Variants in IGF2R observed in about 807,000 individuals in gnomAD.
IGF2R encodes the protein cation-independent mannose-6-phosphate receptor.
In IGF2R, 91 loss-of-function variants were observed where a neutral mutation model predicts 270.6. The ratio of observed to expected loss-of-function variants is 0.34; its 90% CI spans 0.28 to 0.40. The LOEUF (loss-of-function observed/expected upper bound fraction) is 0.40, where lower values mean the gene tolerates loss of function less well. Ranked by LOEUF, IGF2R falls within the 10% of genes least tolerant of loss-of-function variation. The probability of loss-of-function intolerance (pLI) is 1.00; values close to 1 mark genes in which losing one functional copy is unlikely to be tolerated. For synonymous variants in IGF2R, 1,316 were observed against 1,258.9 expected, an observed-to-expected ratio of 1.05 and a Z score of -0.96; for missense variants, 2,805 against 3,188.3, an observed-to-expected ratio of 0.88 and a Z score of 2.90.
chr6:160,099,441 A>T (rs183255016), intron 45 of IGF2R, among the ~76,000 whole-genome samples: 1 of 152,242 alleles, frequency 6.6e-6, no homozygotes, highest in African/African-American at 2.4e-5. Context: ...ATCTCGGCTC[A>T]CTGCAAGCTC....
chr6:159,995,892 G>A (rs1056750666), intron 2 of IGF2R, among the ~76,000 whole-genome samples: 41 of 133,064 alleles, frequency 3.1e-4, no homozygotes, highest in Non-Finnish European at 3.3e-4. Context: ...ATGTTGCAGC[G>A]CTCTTTTTTT....
chr6:159,984,220 A>G (rs1783846627), intron 1 of IGF2R, among the ~76,000 whole-genome samples: 1 of 152,228 alleles, frequency 6.6e-6, no homozygotes, highest in East Asian at 1.9e-4. Context: ...GGACTGCATA[A>G]ACTACAGTCT....
Position 160,050,476 on chromosome 6 carries a change from T to C in IGF2R, c.2518T>C (p.Ser840Pro). ...AACAAGACTGGTTTTCTTGCAGGGC[T>C]CCTTCACTGAAGTGGTTTCCATCAG... Reference protein sequence around the residue: ...CQMKYEKDQGSFTEVVSISNL... With the variant: ...CQMKYEKDQGPFTEVVSISNL... Residue 840 changes from serine (S) to proline (P), a missense_variant, in exon 19 of 48, where the codon TCC becomes CCC. Physicochemically the swap from Ser to Pro is moderately conservative, Grantham distance 74 (BLOSUM62 -1). Around this residue, in one of 2 missense-constraint regions of IGF2R, gnomAD observed 1,851 missense variants for 2,207.2 expected, o/e 0.84. Coordinates refer to ENST00000356956, the MANE Select transcript of IGF2R (RefSeq NM_000876.4). This position sits in a 1 kb window ranked among gnomAD's most constrained non-coding sequence, Gnocchi z 4.0. 1.2e-6 allele frequency: 2 copies of C among 1,607,464 alleles called. No homozygotes were observed. Among genetic ancestry groups the C allele is most frequent in the Non-Finnish European group, 1.7e-6 (2 of 1,174,544 alleles).
Position 160,102,180 on chromosome 6 carries a change from C to T in IGF2R, c.6843-339C>T, listed in dbSNP as rs1779501686. On this transcript the variant is annotated intron_variant, in intron 45 of 47. Coordinates refer to ENST00000356956, the MANE Select transcript of IGF2R (RefSeq NM_000876.4). The surrounding 1 kb of genome is among the most constrained non-coding windows in gnomAD (Gnocchi z 4.5). ...GTGTGGTGCTTCGGGACAGCCTCTGCCCCAGCCTAGTCCTGCCGTGGATTG... is the reference window on the plus strand; with the variant it reads ...GTGTGGTGCTTCGGGACAGCCTCTGTCCCAGCCTAGTCCTGCCGTGGATTG... Among the ~76,000 whole-genome samples, 1 of 152,228 alleles carries T rather than the reference C, an allele frequency of 6.6e-6. No individual in the cohort carries two copies. Among genetic ancestry groups the T allele is most frequent in the Admixed American group, 6.5e-5 (1 of 15,290 alleles).
At chr6:160,034,304 A>G in intron 9 of IGF2R, 115 bp from the exon 10 acceptor site, 1 of 625,124 alleles carries the variant, frequency 1.6e-6, no homozygotes, top group African/African-American at 1.8e-5. Context: ...GCTGTTTTAG[A>G]TCCGTAGTGA....
intron 21 of IGF2R, among the ~76,000 whole-genome samples, 163 bp downstream of exon 21, chr6:160,058,287 G>T (rs1173590426): frequency 6.6e-6 from 1 of 152,198 alleles, no homozygotes; most frequent in Non-Finnish European, 1.5e-5. Flanking sequence ...GAAAGATGAA[G>T]TAAAACCATT....
intron 4 of IGF2R, among the ~76,000 whole-genome samples, chr6:160,020,037 T>C (rs1222481970): frequency 1.3e-5 from 2 of 152,306 alleles, no homozygotes; most frequent in East Asian, 1.9e-4. Context: ...GCTGATGATA[T>C]GATCTTATAC....
rs762915535 is a variant in IGF2R, at chr6:160,089,265, G to A, written c.6467+12G>A. 5.6e-6 allele frequency: 9 copies of A among 1,600,474 alleles called. No individual in the cohort carries two copies. In the East Asian group the frequency reaches 6.7e-5, roughly 12 times the overall value. ...GATATTTATTTTAAGTAAGTAAAACGTTTTCCTTCTGAGCTGTGAAATGTG... is the reference window on the plus strand; with the variant it reads ...GATATTTATTTTAAGTAAGTAAAACATTTTCCTTCTGAGCTGTGAAATGTG... On this transcript the variant is annotated intron_variant, in intron 43 of 47. Coordinates refer to ENST00000356956, the MANE Select transcript of IGF2R (RefSeq NM_000876.4).
intron 2 of IGF2R, 87 bp from the exon 3 acceptor site, chr6:160,008,923 T>A: frequency 7.5e-7 from 1 of 1,335,048 alleles, no homozygotes. Flanking sequence ...TACATTATAA[T>A]GCTACTTTTA....
At chr6:160,035,331 T>C (rs1283882018) in intron 10 of IGF2R, among the ~76,000 whole-genome samples, 1 of 152,166 alleles carries the variant, frequency 6.6e-6, no homozygotes, top group Non-Finnish European at 1.5e-5. Flanking sequence ...TTGGGTGGCT[T>C]GGTTACAGGA....
chr6:159,980,223 G>GAAAGAAAGAAAGAAAGGAAAGA (rs1783771346), intron 1 of IGF2R, among the ~76,000 whole-genome samples: 1 of 95,768 alleles, frequency 1.0e-5, no homozygotes, highest in Non-Finnish European at 2.3e-5. Context: ...AAGAAAGAAA[G>GAAAGAAAGAAAGAAAGGAAAGA]AAAGAAAGAA....
At chr6:160,029,489 A>G (rs548310703) in intron 6 of IGF2R, 61 bp from the exon 7 acceptor site, 3 of 1,046,654 alleles carry the variant, frequency 2.9e-6, no homozygotes, top group Admixed American at 1.8e-5. Context: ...TCAGGGCAAC[A>G]TATGAATTTG....
chr6:160,093,452 T>C (rs2114734562), intron 44 of IGF2R: 2 of 420,436 alleles, frequency 4.8e-6, no homozygotes, highest in African/African-American at 4.0e-5. Context: ...TACTGCACGA[T>C]GAAGAGTTTG....
chr6:160,006,212 C>G (rs1407204701), intron 2 of IGF2R: 1 of 156,836 alleles, frequency 6.4e-6, no homozygotes, highest in African/African-American at 2.4e-5. Flanking sequence ...CGCCTCCCCC[C>G]TCGCGCCTCC....
rs769069565 is a variant in IGF2R at position 160,046,554 on chromosome 6, A to G, written c.1960A>G (p.Thr654Ala). The part of the protein sequence containing the change: ...TKKNGAYKVE[T>A]KKYDFYINVC... ...GAAAAATGGTGCCTATAAAGTTGAG[A>G]CAAAGAAGTATGACTTTTATATAAA... Residue 654 changes from threonine (T) to alanine (A), a missense_variant, in exon 15 of 48, where the codon ACA becomes GCA. Coordinates refer to ENST00000356956, the MANE Select transcript of IGF2R (RefSeq NM_000876.4). 10 of 1,613,898 alleles carry G rather than the reference A, an allele frequency of 6.2e-6. No individual in the cohort carries two copies. The Admixed American group carries it at 1.7e-4, about 27-fold the overall frequency.
chr6:160,068,195 T>C (rs1239922085), intron 29 of IGF2R, 54 bp from the exon 30 acceptor site: 2 of 1,602,246 alleles, frequency 1.2e-6, no homozygotes, highest in African/African-American at 2.7e-5. Context: ...GAGTGCCCAA[T>C]GTTTAAAGAG....
rs944691559 is a variant in IGF2R, at chr6:160,047,397, C to T, written c.2229+61C>T. ...ATACTCATGCCTGTGGTGGGCCTTT[C>T]ATTTAAGCAGAGCTTGTATCAGTCT... is the stretch of plus-strand genomic sequence containing the variant. On this transcript the variant is annotated intron_variant, in intron 16 of 47. Coordinates refer to ENST00000356956, the MANE Select transcript of IGF2R (RefSeq NM_000876.4). 31 of 1,377,684 alleles carry T rather than the reference C, an allele frequency of 2.3e-5. No homozygotes were observed. In the African/African-American group the frequency reaches 4.1e-4, roughly 18 times the overall value. The allele number at this position is 1,377,684 out of a possible 1,614,324, so 85.3% of individuals were successfully genotyped here.
At chr6:160,047,762 C>A in intron 16 of IGF2R, 30 bp from the exon 17 acceptor site, 2 of 1,338,164 alleles carry the variant, frequency 1.5e-6, no homozygotes, top group East Asian at 2.3e-5. Flanking sequence ...TCTCTTTTTG[C>A]CATCCCTCCG....
intron 19 of IGF2R, 112 bp from the exon 20 acceptor site, chr6:160,056,312 T>C: frequency 4.1e-6 from 3 of 731,854 alleles, no homozygotes; most frequent in Non-Finnish European, 5.0e-6. Flanking sequence ...GGCTGACTCA[T>C]AATAAACATC....
Sources: gnomAD v4.1 joint callset for allele counts (sites outside exome capture counted in the v4.1 genomes callset) on GRCh38, gnomAD v4.1.1 for gene constraint, gnomAD v4.1.1 regional missense constraint, Gnocchi (gnomAD v3.1) non-coding constraint, MANE v1.5 for transcripts, NCBI Gene and HGNC (gene_info 2026-07-23, HGNC 2026-07-21) for gene names.